HDAC4: variants seen among roughly 807,000 people sequenced by gnomAD.
The protein encoded by HDAC4 is histone deacetylase A.
In HDAC4, 16 loss-of-function variants were observed where a neutral mutation model predicts 135.1. The observed-to-expected ratio is 0.12, with a 90% confidence interval of 0.08 to 0.18. The LOEUF is 0.18. Among genes scored for constraint, HDAC4 ranks in the 10% least tolerant of loss-of-function variants. The pLI, the probability that HDAC4 is intolerant of heterozygous loss-of-function variation, is 1.00. For missense variants in HDAC4, 1,143 were observed against 1,511.8 expected, an observed-to-expected ratio of 0.76 and a Z score of 4.05; for synonymous variants, 685 against 653.4, an observed-to-expected ratio of 1.05 and a Z score of -0.74.
intron 19 of HDAC4, among the ~76,000 whole-genome samples, chr2:239,084,779 CACAG>C (rs1163487152): frequency 1.1e-3 from 157 of 148,214 alleles, no homozygotes; most frequent in African/African-American, 3.5e-3. Context: ...ACACACTCCA[CACAG>C]ACACACACCC....
chr2:239,082,949 T>C (rs1255211802), intron 20 of HDAC4, among the ~76,000 whole-genome samples: 3 of 152,214 alleles, frequency 2.0e-5, no homozygotes, highest in African/African-American at 7.2e-5. Flanking sequence ...GAAGACAGCA[T>C]GCAGCCCTGA....
At chr2:239,124,505 C>T (rs1004738790) in intron 12 of HDAC4, among the ~76,000 whole-genome samples, 7 of 152,172 alleles carry the variant, frequency 4.6e-5, no homozygotes, top group South Asian at 2.1e-4. Context: ...CGTGTGGCCA[C>T]GTTATATGAC....
intron 22 of HDAC4, among the ~76,000 whole-genome samples, chr2:239,073,824 T>G (rs1273262138): frequency 6.6e-6 from 1 of 152,232 alleles, no homozygotes; most frequent in Non-Finnish European, 1.5e-5. Flanking sequence ...GAGAATGCCT[T>G]GGAATCCAGG....
At chr2:239,205,244 C>T (rs1171020832) in intron 3 of HDAC4, among the ~76,000 whole-genome samples, 1 of 152,164 alleles carries the variant, frequency 6.6e-6, no homozygotes, top group African/African-American at 2.4e-5. Context: ...TGGTGGGAGA[C>T]ATGCATCTAC....
At chr2:239,172,729 T>C (rs1488501311) in intron 5 of HDAC4, among the ~76,000 whole-genome samples, 1 of 151,980 alleles carries the variant, frequency 6.6e-6, no homozygotes, top group East Asian at 1.9e-4. Flanking sequence ...CTGATAAACT[T>C]CTGGAGAGAG....
At chr2:239,171,670 A>T (rs935231427) in intron 5 of HDAC4, among the ~76,000 whole-genome samples, 1 of 152,244 alleles carries the variant, frequency 6.6e-6, no homozygotes. Context: ...TCCCAAAAAG[A>T]AGACATTAAA....
At chr2:239,324,194 A>G (rs1195006828) in intron 2 of HDAC4, among the ~76,000 whole-genome samples, 4 of 152,232 alleles carry the variant, frequency 2.6e-5, no homozygotes. Context: ...TACTTGGACA[A>G]TCCTGAATTT....
At chr2:239,366,223 G>A (rs1200992735) in intron 1 of HDAC4, among the ~76,000 whole-genome samples, 1 of 151,428 alleles carries the variant, frequency 6.6e-6, no homozygotes, top group African/African-American at 2.4e-5. Context: ...AGGGTTGTCA[G>A]GGTCACGCGT....
At chr2:239,312,792 C>T (rs1400141820) in intron 2 of HDAC4, among the ~76,000 whole-genome samples, 1 of 152,228 alleles carries the variant, frequency 6.6e-6, no homozygotes. Context: ...GGTGGCCCAG[C>T]TGCCGTGGCG....
intron 1 of HDAC4, among the ~76,000 whole-genome samples, chr2:239,357,908 AAAAAAAAAAG>A (rs1192816080): frequency 8.9e-6 from 1 of 112,544 alleles, no homozygotes; most frequent in Non-Finnish European, 1.8e-5. Context: ...AAAAAAAAAA[AAAAAAAAAAG>A]AGAGTGGGAA....
intron 2 of HDAC4, among the ~76,000 whole-genome samples, chr2:239,322,640 C>T (rs1483379172): frequency 6.6e-6 from 1 of 152,218 alleles, no homozygotes; most frequent in African/African-American, 2.4e-5. Context: ...GACCCCAGTG[C>T]TTACAGCAGC....
In HDAC4 at chr2:239,349,589, A is replaced by C. The variant is rs944045709; in HGVS notation, c.22+3089T>G. On this transcript the variant is annotated intron_variant, in intron 2 of 26. Transcript: ENST00000543185. This position sits in a 1 kb window ranked among gnomAD's most constrained non-coding sequence, Gnocchi z 5.7. Reference sequence around the variant, plus strand: ...CACAAGCGAGTGGGCCTCGCCCAGGAGGGAGGGCACGGTTCTGGGCAAGCC... The same window carrying C: ...CACAAGCGAGTGGGCCTCGCCCAGGCGGGAGGGCACGGTTCTGGGCAAGCC... Among the ~76,000 whole-genome samples the C allele has an allele frequency of 5.3e-5, 8 of 152,142 alleles. No homozygotes were observed. Among genetic ancestry groups the C allele is most frequent in the African/African-American group, 1.9e-4 (8 of 41,450 alleles).
chr2:239,120,110 C>G (rs1324094815), intron 12 of HDAC4, among the ~76,000 whole-genome samples: 1 of 152,202 alleles, frequency 6.6e-6, no homozygotes, highest in African/African-American at 2.4e-5. Flanking sequence ...GAGGGCAGCT[C>G]AGAGAGGCTG....
chr2:239,326,240 A>G (rs2053466602), intron 2 of HDAC4, among the ~76,000 whole-genome samples: 1 of 152,200 alleles, frequency 6.6e-6, no homozygotes, highest in African/African-American at 2.4e-5. Context: ...ACCCTGACAC[A>G]TTATGCCAAG....
intron 4 of HDAC4, among the ~76,000 whole-genome samples, chr2:239,179,768 G>C (rs748520351): frequency 1.1e-4 from 16 of 152,372 alleles, no homozygotes; most frequent in African/African-American, 3.8e-4. Context: ...CAGCAGGGAT[G>C]GGGGGCTGGG....
At chr2:239,090,183 G>T in intron 17 of HDAC4, 67 bp from the exon 18 acceptor site, 1 of 1,182,364 alleles carries the variant, frequency 8.5e-7, no homozygotes. Context: ...CCCTGGCTGG[G>T]CAGAGCAGCT....
chr2:239,257,242 A>AC (rs2049101683), intron 2 of HDAC4, among the ~76,000 whole-genome samples: 1 of 149,566 alleles, frequency 6.7e-6, no homozygotes, highest in Non-Finnish European at 1.5e-5. Context: ...CACAAGTGCA[A>AC]AAAAAAAAAG....
At chr2:239,200,255 G>A (rs2045674902) in intron 3 of HDAC4, among the ~76,000 whole-genome samples, 1 of 152,158 alleles carries the variant, frequency 6.6e-6, no homozygotes, top group African/African-American at 2.4e-5. Flanking sequence ...CGCTGAAGCT[G>A]ACATTCAAAC....
intron 6 of HDAC4, among the ~76,000 whole-genome samples, chr2:239,160,208 T>G (rs1022774255): frequency 6.6e-6 from 1 of 152,222 alleles, no homozygotes. Context: ...AGTATTCGAT[T>G]AAACCATTAT....
Sources: gnomAD v4.1 joint callset for allele counts (sites outside exome capture counted in the v4.1 genomes callset) on GRCh38, gnomAD v4.1.1 for gene constraint, Gnocchi (gnomAD v3.1) non-coding constraint, MANE v1.5 for transcripts, NCBI Gene and HGNC (gene_info 2026-07-23, HGNC 2026-07-21) for gene names.